LRBA: variants seen among roughly 807,000 people sequenced by gnomAD.
The protein encoded by LRBA is LPS responsive beige-like anchor protein, also known as lipopolysaccharide-responsive and beige-like anchor protein.
In LRBA, 176 loss-of-function variants were observed where a neutral mutation model predicts 330.0. That is an observed-to-expected ratio of 0.53 (90% CI 0.47 to 0.60). LRBA has a LOEUF of 0.60. Among genes scored for constraint, LRBA ranks in the 20% least tolerant of loss-of-function variants. The probability of loss-of-function intolerance (pLI) is 0.00; values close to 1 mark genes in which losing one functional copy is unlikely to be tolerated. For missense variants in LRBA, 3,259 were observed against 3,444.8 expected, an observed-to-expected ratio of 0.95 and a Z score of 1.35; for synonymous variants, 1,230 against 1,193.0, an observed-to-expected ratio of 1.03 and a Z score of -0.64.
chr4:150,278,227 T>A (rs1747061399), intron 55 of LRBA, among the ~76,000 whole-genome samples: 1 of 152,204 alleles, frequency 6.6e-6, no homozygotes, highest in Non-Finnish European at 1.5e-5. Flanking sequence ...TTTGCTTTTT[T>A]AAATACTAGG....
intron 53 of LRBA, among the ~76,000 whole-genome samples, chr4:150,296,821 A>T (rs1729031274): frequency 6.6e-6 from 1 of 152,120 alleles, no homozygotes; most frequent in Non-Finnish European, 1.5e-5. Flanking sequence ...GAAGGTAGTA[A>T]AGTCAGTCTA....
At position 150,844,703 on chromosome 4, in the gene LRBA, C is replaced by T. The variant is rs746401908; in HGVS notation, c.4416G>A (p.Leu1472=). The T allele has an allele frequency of 2.5e-5, 40 of 1,613,222 alleles. No individual in the cohort carries two copies. Among genetic ancestry groups the T allele is most frequent in the Non-Finnish European group, 3.1e-5 (36 of 1,179,470 alleles). Residue 1472 remains leucine (L), a synonymous_variant, in exon 27 of 57, where the codon TTG becomes TTA. Coordinates refer to ENST00000651943, the MANE Select transcript of LRBA (RefSeq NM_001364905.1). ...SQLKTRGDKA[L]KPMHSLIPLG... ...AAGGAATAAGGCTATGCATTGGTTT[C>T]AAGGCTTTATCTCCCCTAGTTTTCA...
At chr4:150,392,987 G>A (rs1190051345) in intron 47 of LRBA, among the ~76,000 whole-genome samples, 1 of 151,370 alleles carries the variant, frequency 6.6e-6, no homozygotes, top group South Asian at 2.1e-4. Context: ...TGCATGTTCC[G>A]TACATGTATC....
chr4:150,856,379 CTT>C (rs1490089634), intron 22 of LRBA, among the ~76,000 whole-genome samples: 4 of 152,062 alleles, frequency 2.6e-5, no homozygotes, highest in Non-Finnish European at 5.9e-5. Flanking sequence ...TATGTTGTCT[CTT>C]GTTTCTTATA....
At chr4:150,812,495 A>G (rs538628799) in intron 31 of LRBA, among the ~76,000 whole-genome samples, 1 of 152,300 alleles carries the variant, frequency 6.6e-6, no homozygotes, top group East Asian at 1.9e-4. Flanking sequence ...TTTAACCCCT[A>G]AACACTTTAG....
At chr4:150,424,947 C>T (rs971846114) in intron 46 of LRBA, among the ~76,000 whole-genome samples, 2 of 152,086 alleles carry the variant, frequency 1.3e-5, no homozygotes, top group South Asian at 2.1e-4. Context: ...TCTCTTAATA[C>T]GAAATAAACA....
At chr4:150,584,041 G>A (rs1218735614) in intron 40 of LRBA, 1 of 1,607,164 alleles carries the variant, frequency 6.2e-7, no homozygotes, top group South Asian at 1.1e-5. Flanking sequence ...CCTGGAGAGC[G>A]CTGCCAAGCA....
At chr4:150,888,884 G>C (rs896571604) in intron 17 of LRBA, among the ~76,000 whole-genome samples, 6 of 152,198 alleles carry the variant, frequency 3.9e-5, no homozygotes, top group Non-Finnish European at 1.5e-5. Flanking sequence ...TATTCTGTGT[G>C]TATTAGCTAG....
At chr4:150,325,358 T>C (rs1398821349) in intron 49 of LRBA, among the ~76,000 whole-genome samples, 11 of 152,196 alleles carry the variant, frequency 7.2e-5, no homozygotes, top group Admixed American at 7.2e-4. Flanking sequence ...ATTTTTCTCC[T>C]CACTGTGGTC....
At position 150,760,887 on chromosome 4, in the gene LRBA, AT is replaced by A. The variant is rs1734974163; in HGVS notation, c.5645+895del. Among the ~76,000 whole-genome samples the A allele has an allele frequency of 4.6e-5, 7 of 152,348 alleles. No homozygotes were observed. The South Asian group carries it at 1.4e-3, about 32-fold the overall frequency. On this transcript the variant is annotated intron_variant, in intron 35 of 56. Transcript: ENST00000651943. ...GGATTTTAGTAGTATTTAAAATCAA[AT>A]AAAGTTACGAATACTCTTTTCGCCC...
intron 37 of LRBA, among the ~76,000 whole-genome samples, chr4:150,656,743 G>A (rs1780226288): frequency 6.6e-6 from 1 of 152,156 alleles, no homozygotes; most frequent in South Asian, 2.1e-4. Context: ...ATGAAGGCAG[G>A]AAATTTTGTC....
intron 44 of LRBA, among the ~76,000 whole-genome samples, chr4:150,456,278 T>C (rs1475985288): frequency 6.6e-6 from 1 of 152,160 alleles, no homozygotes; most frequent in Non-Finnish European, 1.5e-5. Flanking sequence ...CACTAATTTA[T>C]GTTCCTACCA....
At chr4:150,901,973 C>T (rs1730777619) in intron 13 of LRBA, among the ~76,000 whole-genome samples, 1 of 151,980 alleles carries the variant, frequency 6.6e-6, no homozygotes, top group South Asian at 2.1e-4. Flanking sequence ...CATGGAAATA[C>T]AGTGGCACAT....
intron 47 of LRBA, among the ~76,000 whole-genome samples, chr4:150,414,195 A>T (rs1259257254): frequency 6.6e-6 from 1 of 152,218 alleles, no homozygotes; most frequent in South Asian, 2.1e-4. Flanking sequence ...AAGGTCCCAC[A>T]ATCAGCAATG....
intron 37 of LRBA, among the ~76,000 whole-genome samples, chr4:150,671,881 C>A (rs1215767546): frequency 6.6e-6 from 1 of 152,076 alleles, no homozygotes; most frequent in African/African-American, 2.4e-5. Context: ...AGACAACTGA[C>A]AATAGACAAC....
chr4:150,974,070 A>C (rs1739880946), intron 2 of LRBA, among the ~76,000 whole-genome samples: 1 of 152,224 alleles, frequency 6.6e-6, no homozygotes, highest in Non-Finnish European at 1.5e-5. Flanking sequence ...GGTAATGGAC[A>C]CCAGATTTAA....
chr4:150,830,633 GA>G (rs1747031085), intron 29 of LRBA, among the ~76,000 whole-genome samples: 1 of 151,796 alleles, frequency 6.6e-6, no homozygotes, highest in Admixed American at 6.6e-5. Flanking sequence ...ATGAAGGAAA[GA>G]TTAAAATGGT....
At chr4:150,467,549 T>TAA (rs1262027804) in intron 44 of LRBA, 124 bp downstream of exon 44, 6 of 569,500 alleles carry the variant, frequency 1.1e-5, no homozygotes, top group Non-Finnish European at 9.4e-6. Flanking sequence ...GTTTAAGAGA[T>TAA]AATTATATTA....
intron 40 of LRBA, among the ~76,000 whole-genome samples, chr4:150,549,816 A>G (rs2152243617): frequency 6.6e-6 from 1 of 152,364 alleles, no homozygotes; most frequent in South Asian, 2.1e-4. Context: ...TTTTAGAGGA[A>G]AGATGGAAAA....
Sources: allele counts gnomAD v4.1 joint callset (sites outside exome capture counted in the v4.1 genomes callset), GRCh38; gene constraint gnomAD v4.1.1; transcripts MANE v1.5; gene names NCBI Gene and HGNC (gene_info 2026-07-23, HGNC 2026-07-21).